NR6A1: variants seen among roughly 807,000 people sequenced by gnomAD.
The protein encoded by NR6A1 is nuclear receptor subfamily 6 group A member 1, also known as retinoic acid receptor-related testis-associated receptor.
A neutral mutation model predicts 59.1 loss-of-function variants in NR6A1; 7 were observed. That is an observed-to-expected ratio of 0.12 (90% confidence interval 0.07 to 0.22). The LOEUF is 0.22. Among genes scored for constraint, NR6A1 ranks in the 10% least tolerant of loss-of-function variants. The pLI is 1.00. For missense variants in NR6A1, 468 were observed against 611.6 expected, an observed-to-expected ratio of 0.77 and a Z score of 2.48; for synonymous variants, 243 against 236.1, an observed-to-expected ratio of 1.03 and a Z score of -0.27.
In NR6A1 at chr9:124,719,107, C is replaced by T. The variant is rs530785916; in HGVS notation, c.142+14201G>A. On this transcript the variant is annotated intron_variant, in intron 2 of 9. Coordinates refer to ENST00000487099, the MANE Select transcript of NR6A1 (RefSeq NM_033334.4). ...GTTCAATCTAAGTTTTCTTTTGTGG[C>T]GGGGAGGGTGGAGACAGGGTCTCAC... Among the ~76,000 whole-genome samples the T allele has an allele frequency of 6.1e-4, 92 of 150,738 alleles. 1 individual carries two copies. In the South Asian group the frequency reaches 0.019, roughly 30 times the overall value.
intron 2 of NR6A1, among the ~76,000 whole-genome samples, chr9:124,649,056 T>C (rs1308112889): frequency 6.6e-6 from 1 of 151,706 alleles, no homozygotes; most frequent in Non-Finnish European, 1.5e-5. Flanking sequence ...GCAATTCCTA[T>C]CAAAATACCA....
intron 3 of NR6A1, among the ~76,000 whole-genome samples, chr9:124,550,375 ATTTTTTTT>A (rs58594452): frequency 8.5e-5 from 10 of 117,600 alleles, no homozygotes; most frequent in Admixed American, 2.7e-4. Context: ...CTAATGGTGA[ATTTTTTTT>A]TTTTTTTTTT....
chr9:124,729,359 G>T (rs1165335080), intron 2 of NR6A1, among the ~76,000 whole-genome samples: 3 of 152,112 alleles, frequency 2.0e-5, no homozygotes, highest in African/African-American at 7.2e-5. Context: ...TAAAGTAAAA[G>T]TTCGGTTAAA....
chr9:124,675,470 T>C (rs895326208), intron 2 of NR6A1, among the ~76,000 whole-genome samples: 1 of 152,214 alleles, frequency 6.6e-6, no homozygotes, highest in Admixed American at 6.5e-5. Flanking sequence ...TACTGTTAGG[T>C]GGCAGACAGC....
chr9:124,533,460 G>A (rs1360696138), intron 7 of NR6A1, among the ~76,000 whole-genome samples: 1 of 152,102 alleles, frequency 6.6e-6, no homozygotes, highest in African/African-American at 2.4e-5. Flanking sequence ...AACAAGTAGA[G>A]AGAGTCAGCA....
At chr9:124,571,218 G>A (rs990829755) in intron 2 of NR6A1, among the ~76,000 whole-genome samples, 1 of 152,170 alleles carries the variant, frequency 6.6e-6, no homozygotes, top group Admixed American at 6.5e-5. Context: ...CAGACAAAAG[G>A]GCTTGCTGGC....
Position 124,739,025 on chromosome 9 carries a change from C to T in NR6A1, c.101-5676G>A, listed in dbSNP as rs1331978237. Among the ~76,000 whole-genome samples the T allele has an allele frequency of 4.1e-5, 6 of 145,868 alleles. No homozygotes were observed. The South Asian group carries it at 1.3e-3, about 32-fold the overall frequency. On this transcript the variant is annotated intron_variant, in intron 1 of 9. Coordinates refer to ENST00000487099, the MANE Select transcript of NR6A1 (RefSeq NM_033334.4). ...TAAAAAAAAAAAAAATACAAAAATA[C>T]AAAAATTAGCTGGGCTAATTTTGGT...
intron 2 of NR6A1, among the ~76,000 whole-genome samples, chr9:124,711,369 T>A (rs554914361): frequency 6.6e-6 from 1 of 151,886 alleles, no homozygotes; most frequent in Non-Finnish European, 1.5e-5. Context: ...TTAACTGATC[T>A]TCTTCCTTCA....
chr9:124,722,200 C>T (rs1028032509), intron 2 of NR6A1, among the ~76,000 whole-genome samples: 1 of 152,182 alleles, frequency 6.6e-6, no homozygotes, highest in African/African-American at 2.4e-5. Flanking sequence ...CTAAGTATTA[C>T]CAAGTCAAAC....
chr9:124,670,625 C>T (rs575582223), intron 2 of NR6A1, among the ~76,000 whole-genome samples: 24 of 150,866 alleles, frequency 1.6e-4, no homozygotes, highest in South Asian at 6.2e-4. Flanking sequence ...AAATAGTGAC[C>T]GGGGACATGA....
intron 5 of NR6A1, among the ~76,000 whole-genome samples, 168 bp downstream of exon 5, chr9:124,539,865 T>G (rs1833388297): frequency 6.6e-6 from 1 of 152,210 alleles, no homozygotes; most frequent in Non-Finnish European, 1.5e-5. Context: ...TAAAAGGGGC[T>G]GGGAAACACT....
At chr9:124,615,170 T>C (rs117898733) in intron 2 of NR6A1, among the ~76,000 whole-genome samples, 2,512 of 152,342 alleles carry the variant, frequency 0.016, 31 homozygotes, top group Non-Finnish European at 0.026. Flanking sequence ...TCCAGGCTAA[T>C]GCATTAAAAA....
intron 2 of NR6A1, among the ~76,000 whole-genome samples, chr9:124,688,957 T>C (rs975248416): frequency 6.6e-6 from 1 of 152,196 alleles, no homozygotes; most frequent in Non-Finnish European, 1.5e-5. Flanking sequence ...TCTCATTTTA[T>C]AGACTCAGGA....
chr9:124,719,700 C>T (rs1312150490), intron 2 of NR6A1, among the ~76,000 whole-genome samples: 1 of 152,106 alleles, frequency 6.6e-6, no homozygotes, highest in African/African-American at 2.4e-5. Context: ...GCGCGGATTG[C>T]TTGAGTCTAG....
chr9:124,595,396 A>G (rs1219741753), intron 2 of NR6A1, among the ~76,000 whole-genome samples: 1 of 152,250 alleles, frequency 6.6e-6, no homozygotes, highest in Non-Finnish European at 1.5e-5. Context: ...GGAATTTAAA[A>G]TACAAACAAC....
chr9:124,728,818 C>T (rs564902686), intron 2 of NR6A1, among the ~76,000 whole-genome samples: 19 of 152,080 alleles, frequency 1.2e-4, no homozygotes, highest in Admixed American at 1.1e-3. Flanking sequence ...TGTTTCATTG[C>T]CAAAGAAGGC....
chr9:124,653,284 T>C (rs994848692), intron 2 of NR6A1, among the ~76,000 whole-genome samples: 1 of 152,130 alleles, frequency 6.6e-6, no homozygotes, highest in African/African-American at 2.4e-5. Flanking sequence ...CTTTTTTTTT[T>C]TTTTAGTAAA....
chr9:124,539,070 A>G (rs1210576921), intron 5 of NR6A1, among the ~76,000 whole-genome samples: 1 of 152,134 alleles, frequency 6.6e-6, no homozygotes, highest in East Asian at 1.9e-4. Flanking sequence ...TATTTAATTA[A>G]CAACGACAAC....
intron 2 of NR6A1, among the ~76,000 whole-genome samples, chr9:124,685,969 A>G (rs949327919): frequency 6.6e-6 from 1 of 152,228 alleles, no homozygotes; most frequent in Non-Finnish European, 1.5e-5. Flanking sequence ...TTAAGACATC[A>G]TATTTTGGAA....
Sources: allele counts gnomAD v4.1 joint callset (sites outside exome capture counted in the v4.1 genomes callset), GRCh38; gene constraint gnomAD v4.1.1; transcripts MANE v1.5; gene names NCBI Gene and HGNC (gene_info 2026-07-23, HGNC 2026-07-21).